PCDH9: variants seen among roughly 807,000 people sequenced by gnomAD.
PCDH9 encodes protocadherin-9.
PCDH9 carries 24 observed loss-of-function variants against 70.6 expected under a neutral mutation model. The observed-to-expected ratio is 0.34, with a 90% CI of 0.25 to 0.48. The LOEUF is 0.48. Ranked by LOEUF, PCDH9 falls within the 20% of genes least tolerant of loss-of-function variation. The pLI is 0.99. For synonymous variants in PCDH9, 562 were observed against 558.5 expected (o/e 1.01, Z -0.09); for missense variants, 1,281 against 1,503.6 (o/e 0.85, Z 2.45).
intron 4 of PCDH9, among the ~76,000 whole-genome samples, chr13:66,354,632 A>C (rs910382281): frequency 2.0e-5 from 3 of 152,266 alleles, no homozygotes; most frequent in African/African-American, 7.2e-5. Context: ...GCAACTGCTG[A>C]AAAATAGATT....
intron 3 of PCDH9, among the ~76,000 whole-genome samples, chr13:66,754,129 A>G (rs1289820307): frequency 6.6e-6 from 1 of 152,088 alleles, no homozygotes; most frequent in East Asian, 1.9e-4. Flanking sequence ...AGGAACAGAA[A>G]ACCAAACACT....
In PCDH9 at chr13:67,034,096, T is replaced by C. The variant is rs554068433; in HGVS notation, c.3037-130491A>G. Among the ~76,000 whole-genome samples, 779 of 152,276 alleles carry C rather than the reference T, an allele frequency of 5.1e-3. 3 individuals are homozygous for C. The highest frequency in any genetic ancestry group is 0.017 in the African/African-American group (715 of 41,548). Reference sequence around the variant, plus strand: ...ACCTTCCAGGTTCAAGCGATTCTCCTGCCTCAGCCTCCTGAGTAGCTGGGA... The same window carrying C: ...ACCTTCCAGGTTCAAGCGATTCTCCCGCCTCAGCCTCCTGAGTAGCTGGGA... On this transcript the variant is annotated intron_variant, in intron 2 of 4. Coordinates refer to ENST00000377865, the MANE Select transcript of PCDH9 (RefSeq NM_203487.3).
intron 3 of PCDH9, among the ~76,000 whole-genome samples, chr13:66,737,608 C>A (rs1171576110): frequency 6.6e-6 from 1 of 152,176 alleles, no homozygotes; most frequent in Non-Finnish European, 1.5e-5. Context: ...CTAGGGAGTG[C>A]CAGACAGTGG....
intron 4 of PCDH9, among the ~76,000 whole-genome samples, chr13:66,417,572 A>C (rs1957482214): frequency 6.6e-6 from 1 of 152,108 alleles, no homozygotes; most frequent in Non-Finnish European, 1.5e-5. Context: ...TAGATCCTTG[A>C]GGAGTCACCA....
chr13:66,368,703 A>G (rs1163061765), intron 4 of PCDH9, among the ~76,000 whole-genome samples: 4 of 152,148 alleles, frequency 2.6e-5, no homozygotes, highest in East Asian at 1.9e-4. Flanking sequence ...GCTGCTGATA[A>G]AAACATACCC....
chr13:67,034,036 G>A (rs920609520), intron 2 of PCDH9, among the ~76,000 whole-genome samples: 3 of 152,140 alleles, frequency 2.0e-5, no homozygotes, highest in Non-Finnish European at 4.4e-5. Flanking sequence ...TCAGGCTGGA[G>A]TGCAGTGGCG....
intron 3 of PCDH9, among the ~76,000 whole-genome samples, chr13:66,717,679 A>G (rs922036604): frequency 2.0e-5 from 3 of 151,568 alleles, no homozygotes; most frequent in Admixed American, 1.3e-4. Flanking sequence ...ATGTACAATC[A>G]GCTTGTAGTC....
At chr13:66,801,117 G>A (rs755364033) in intron 3 of PCDH9, among the ~76,000 whole-genome samples, 7 of 149,848 alleles carry the variant, frequency 4.7e-5, no homozygotes, top group African/African-American at 1.2e-4. Context: ...TCCTCAGAAC[G>A]TCACACATTG....
intron 3 of PCDH9, among the ~76,000 whole-genome samples, chr13:66,760,503 T>A (rs980346033): frequency 6.6e-5 from 10 of 152,268 alleles, no homozygotes; most frequent in African/African-American, 2.4e-4. Context: ...TGTCTTTACT[T>A]TAATCTCTTA....
intron 4 of PCDH9, among the ~76,000 whole-genome samples, chr13:66,612,747 G>A (rs373255816): frequency 1.3e-5 from 2 of 152,090 alleles, no homozygotes; most frequent in East Asian, 3.9e-4. Flanking sequence ...TCCTTTTCCT[G>A]TGTGGAATCT....
intron 1 of PCDH9, among the ~76,000 whole-genome samples, chr13:67,229,234 T>G (rs2089954842): frequency 6.6e-6 from 1 of 152,238 alleles, no homozygotes. Flanking sequence ...TTCTCCATAT[T>G]GACAAATTAT....
chr13:66,804,522 T>C (rs1243636077), intron 3 of PCDH9, among the ~76,000 whole-genome samples: 7 of 152,142 alleles, frequency 4.6e-5, no homozygotes, highest in East Asian at 1.9e-4. Context: ...CTGTAAGAGA[T>C]TGCAGAATTG....
At chr13:67,202,407 AT>A (rs998606405) in intron 2 of PCDH9, 3 of 152,098 alleles carry the variant, frequency 2.0e-5, no homozygotes, top group Admixed American at 6.6e-5. Flanking sequence ...GCATTTTTAT[AT>A]TTTTTAATAG....
Position 66,432,112 on chromosome 13 carries a change from A to T in PCDH9, c.3341-127084T>A, listed in dbSNP as rs549500084. ...TAAGCTAAACTGGGTATATTTAAAC[A>T]TGTACTTCTTGCTTATTTGTTATAA... On this transcript the variant is annotated intron_variant, in intron 4 of 4. Transcript: ENST00000377865. Among the ~76,000 whole-genome samples the T allele has an allele frequency of 2.6e-5, 4 of 152,134 alleles. No homozygotes were observed. In the South Asian group the frequency reaches 6.2e-4, roughly 24 times the overall value.
chr13:66,420,621 A>G (rs1957549407), intron 4 of PCDH9, among the ~76,000 whole-genome samples: 1 of 152,194 alleles, frequency 6.6e-6, no homozygotes, highest in African/African-American at 2.4e-5. Context: ...ACTAACAAAC[A>G]GAAAGCAATA....
chr13:66,772,985 T>G (rs983448014), intron 3 of PCDH9, among the ~76,000 whole-genome samples: 4 of 152,086 alleles, frequency 2.6e-5, no homozygotes, highest in African/African-American at 9.7e-5. Flanking sequence ...CCAGCGACAC[T>G]CTTAAGTTTA....
chr13:67,181,991 C>A (rs1424457659), intron 2 of PCDH9, among the ~76,000 whole-genome samples: 3 of 152,144 alleles, frequency 2.0e-5, no homozygotes, highest in Non-Finnish European at 4.4e-5. Flanking sequence ...CCTTTGTGTC[C>A]TGTGGTGGTT....
At chr13:66,449,690 C>T (rs910131354) in intron 4 of PCDH9, among the ~76,000 whole-genome samples, 2 of 152,060 alleles carry the variant, frequency 1.3e-5, no homozygotes, top group Non-Finnish European at 2.9e-5. Context: ...TTTCAAATAA[C>T]TGAAATAGTC....
Position 66,474,907 on chromosome 13 carries a change from T to C in PCDH9, c.3340+156303A>G, listed in dbSNP as rs150465631. Among the ~76,000 whole-genome samples the C allele has an allele frequency of 4.0e-3, 612 of 152,178 alleles. 3 individuals are homozygous for C. The highest frequency in any genetic ancestry group is 0.014 in the African/African-American group (589 of 41,564). On this transcript the variant is annotated intron_variant, in intron 4 of 4. Transcript: ENST00000377865. Reference sequence around the variant, plus strand: ...GGAGCAGAAGACATTACCTAGAGTCTCCTTGAATGAATTTCAATGTTATCC... The same window carrying C: ...GGAGCAGAAGACATTACCTAGAGTCCCCTTGAATGAATTTCAATGTTATCC...
Sources: gnomAD v4.1 joint callset for allele counts (sites outside exome capture counted in the v4.1 genomes callset) on GRCh38, gnomAD v4.1.1 for gene constraint, MANE v1.5 for transcripts, NCBI Gene and HGNC (gene_info 2026-07-23, HGNC 2026-07-21) for gene names.